APOL5: variants seen among roughly 807,000 people sequenced by gnomAD.
The protein encoded by APOL5 is apolipoprotein L, 5.
APOL5 carries 29 observed loss-of-function variants against 35.5 expected under a neutral mutation model. That is an observed-to-expected ratio of 0.82 (90% CI 0.61 to 1.11). APOL5 has a LOEUF of 1.11. Ranked by LOEUF, APOL5 falls within the 50% of genes most tolerant of loss-of-function variation. APOL5 has a pLI of 0.00. For missense variants in APOL5, 514 were observed against 530.4 expected (o/e 0.97, Z 0.30); for synonymous variants, 188 against 200.2 (o/e 0.94, Z 0.51).
intron 2 of APOL5, 75 bp downstream of exon 2, chr22:35,720,729 G>A: frequency 9.4e-7 from 1 of 1,064,758 alleles, no homozygotes; most frequent in Non-Finnish European, 1.4e-6. Flanking sequence ...CACAGACCCA[G>A]CACTCAATGA....
chr22:35,717,473 C>T (rs1282658128), upstream of APOL5, among the ~76,000 whole-genome samples: 1 of 150,134 alleles, frequency 6.7e-6, no homozygotes, highest in African/African-American at 2.4e-5. Flanking sequence ...AGCGCAGTGG[C>T]TCACGCCTGT....
At chr22:35,716,777 A>G (rs539917953), upstream of APOL5, among the ~76,000 whole-genome samples, 2 of 152,064 alleles carry the variant, frequency 1.3e-5, no homozygotes, top group Non-Finnish European at 2.9e-5. Context: ...GAATATAAAG[A>G]ACATATTCTT....
At chr22:35,723,217 C>T (rs1039765312) in intron 2 of APOL5, among the ~76,000 whole-genome samples, 3 of 152,130 alleles carry the variant, frequency 2.0e-5, no homozygotes, top group African/African-American at 7.2e-5. Flanking sequence ...TGCATCCTTT[C>T]CCATAGATCC....
chr22:35,726,187 C>G (rs774652054), intron 2 of APOL5, 24 bp from the exon 3 acceptor site: 4 of 1,593,344 alleles, frequency 2.5e-6, no homozygotes, highest in Non-Finnish European at 3.4e-6. Context: ...CATTTTAGTG[C>G]TCAGATTGCC....
chr22:35,715,401 T>G (rs943959974), upstream of APOL5, among the ~76,000 whole-genome samples: 4 of 152,142 alleles, frequency 2.6e-5, no homozygotes, highest in Non-Finnish European at 5.9e-5. Flanking sequence ...CCCAGCACTT[T>G]GAGAGGCTGA....
intron 2 of APOL5, among the ~76,000 whole-genome samples, chr22:35,722,434 C>G (rs1294030286): frequency 6.6e-6 from 1 of 152,142 alleles, no homozygotes; most frequent in Non-Finnish European, 1.5e-5. Context: ...TTCCGAGTAG[C>G]TGGGACTACA....
chr22:35,719,681 G>A (rs924072700), intron 1 of APOL5, among the ~76,000 whole-genome samples: 5 of 152,204 alleles, frequency 3.3e-5, no homozygotes, highest in Non-Finnish European at 7.3e-5. Flanking sequence ...GGGAGCATGC[G>A]GACCGGCAGG....
At chr22:35,715,037 G>A (rs566578886), upstream of APOL5, among the ~76,000 whole-genome samples, 17 of 152,294 alleles carry the variant, frequency 1.1e-4, no homozygotes, top group South Asian at 1.9e-3. Flanking sequence ...ATGATGATTC[G>A]TGAAACATCT....
chr22:35,710,167 G>A, the APOL5 span, among the ~76,000 whole-genome samples: 3 of 120,244 alleles, frequency 2.5e-5, no homozygotes, highest in African/African-American at 1.0e-4. Context: ...CTGTTGCCCT[G>A]GCTGGAGTGC....
chr22:35,727,013 G>A lies in APOL5; in HGVS notation c.945G>A (p.Lys315=), dbSNP rs563254041. 5.1e-5 allele frequency: 82 copies of A among 1,614,146 alleles called. No homozygotes were observed. Among genetic ancestry groups the A allele is most frequent in the Admixed American group, 1.8e-4 (11 of 60,034 alleles). The stretch of plus-strand genomic sequence containing the variant: ...TGAGCAGCTTCCTGCAGAGCTGGAA[G>A]CACCTGGAGGATGGGGCAAGGACGG... ...KDMSSFLQSW[K]HLEDGARTET... is the part of the protein sequence containing the mutation. The change falls in exon 3 of 5, where the codon AAG becomes AAA. Residue 315 remains lysine, a synonymous_variant. Coordinates refer to ENST00000249044, the MANE Select transcript of APOL5 (RefSeq NM_030642.1).
chr22:35,717,231 A>ATATAT (rs1555930021), upstream of APOL5, among the ~76,000 whole-genome samples: 2 of 47,552 alleles, frequency 4.2e-5, no homozygotes, highest in African/African-American at 2.4e-4. Flanking sequence ...ACAAAAAAAA[A>ATATAT]AAAAATATAT....
chr22:35,711,395 A>G, the APOL5 span, among the ~76,000 whole-genome samples: 1 of 152,138 alleles, frequency 6.6e-6, no homozygotes, highest in Non-Finnish European at 1.5e-5. Flanking sequence ...TCTTGGGTAT[A>G]TATATACCCA....
At chr22:35,725,292 C>T (rs1927109707) in intron 2 of APOL5, among the ~76,000 whole-genome samples, 1 of 151,754 alleles carries the variant, frequency 6.6e-6, no homozygotes. Context: ...TTTAGATGAA[C>T]TCTTGCTCTG....
chr22:35,713,467 G>T (rs1926648451), upstream of APOL5, among the ~76,000 whole-genome samples: 1 of 152,100 alleles, frequency 6.6e-6, no homozygotes, highest in Non-Finnish European at 1.5e-5. Flanking sequence ...GTGTTTCCCA[G>T]CTCCAGCCTC....
rs148068360 is a variant in APOL5, at chr22:35,723,188, T to C, written c.142+2534T>C. On this transcript the variant is annotated intron_variant, in intron 2 of 4. Coordinates refer to ENST00000249044, the MANE Select transcript of APOL5 (RefSeq NM_030642.1). ...AGGCCGTGGGGTTCCTTGGTCCAAG[T>C]ACAGTTTGCCCACAGCCTTGCATCC... is the stretch of plus-strand genomic sequence containing the variant. Among the ~76,000 whole-genome samples the C allele has an allele frequency of 3.9e-5, 6 of 152,236 alleles. No individual in the cohort carries two copies. In the East Asian group the frequency reaches 1.2e-3, roughly 29 times the overall value.
upstream of APOL5, among the ~76,000 whole-genome samples, chr22:35,714,641 C>T (rs951750850): frequency 3.3e-5 from 5 of 152,236 alleles, no homozygotes; most frequent in East Asian, 3.8e-4. Context: ...CCTCTCCCTG[C>T]CTCTAAAACC....
rs142921839 is a variant in APOL5, at chr22:35,726,318, C to A, written c.250C>A (p.Arg84=). 6.8e-6 allele frequency: 11 copies of A among 1,614,090 alleles called. No homozygotes were observed. The highest frequency in any genetic ancestry group is 1.6e-4 in the Middle Eastern group (1 of 6,062). ...LSYFLFEELM[R]CDKDSMPDGN... is the part of the protein sequence containing the mutation. ...CTACTTTCTGTTTGAAGAGCTGATGCGATGTGACAAAGATTCCATGCCAGA... is the reference window on the plus strand; with the variant it reads ...CTACTTTCTGTTTGAAGAGCTGATGAGATGTGACAAAGATTCCATGCCAGA... The change falls in exon 3 of 5, where the codon CGA becomes AGA. Residue 84 remains arginine, a synonymous_variant. Coordinates refer to ENST00000249044, the MANE Select transcript of APOL5 (RefSeq NM_030642.1).
chr22:35,719,920 G>A (rs531725289), intron 1 of APOL5, among the ~76,000 whole-genome samples: 1 of 152,384 alleles, frequency 6.6e-6, no homozygotes, highest in African/African-American at 2.4e-5. Flanking sequence ...GAGCCAGAAA[G>A]GGGATGGAGT....
chr22:35,711,246 T>C, the APOL5 span, among the ~76,000 whole-genome samples: 1 of 152,222 alleles, frequency 6.6e-6, no homozygotes, highest in African/African-American at 2.4e-5. Flanking sequence ...TAATAGTTCA[T>C]GATGTGTATA....
Sources: allele counts gnomAD v4.1 joint callset (sites outside exome capture counted in the v4.1 genomes callset), GRCh38; gene constraint gnomAD v4.1.1; transcripts MANE v1.5; gene names NCBI Gene and HGNC (gene_info 2026-07-23, HGNC 2026-07-21).